The following AGBL4 variants were observed in gnomAD, a reference collection of about 807,000 sequenced individuals.
AGBL4 encodes the protein AGBL carboxypeptidase 4.
A neutral mutation model predicts 66.4 loss-of-function variants in AGBL4; 58 were observed. The ratio of observed to expected loss-of-function variants is 0.87; its 90% confidence interval spans 0.71 to 1.09. AGBL4 has a LOEUF of 1.09. Among genes scored for constraint, AGBL4 ranks in the 50% least tolerant of loss-of-function variants. The probability of loss-of-function intolerance (pLI) is 0.00; values close to 1 mark genes in which losing one functional copy is unlikely to be tolerated. For missense variants in AGBL4, 579 were observed against 631.0 expected (o/e 0.92, Z 0.88); for synonymous variants, 234 against 222.9 (o/e 1.05, Z -0.44).
intron 6 of AGBL4, among the ~76,000 whole-genome samples, chr1:48,830,701 T>C (rs1227730761): frequency 6.6e-6 from 1 of 152,256 alleles, no homozygotes; most frequent in Non-Finnish European, 1.5e-5. Flanking sequence ...ATCTGCTGTA[T>C]GCCAGTCACT....
intron 1 of AGBL4, among the ~76,000 whole-genome samples, chr1:49,901,571 T>C (rs934020769): frequency 6.6e-6 from 1 of 152,118 alleles, no homozygotes; most frequent in African/African-American, 2.4e-5. Flanking sequence ...CATTCCATGC[T>C]CATGGAAAGG....
At chr1:49,388,197 A>G (rs972323688) in intron 3 of AGBL4, among the ~76,000 whole-genome samples, 1 of 152,156 alleles carries the variant, frequency 6.6e-6, no homozygotes, top group Non-Finnish European at 1.5e-5. Flanking sequence ...ACATATTTGT[A>G]TAGTGCAGGA....
intron 3 of AGBL4, among the ~76,000 whole-genome samples, chr1:49,347,949 C>T (rs1355850952): frequency 1.3e-5 from 2 of 152,122 alleles, no homozygotes; most frequent in Non-Finnish European, 2.9e-5. Flanking sequence ...ATCCGGGAAC[C>T]CTCTCTTGGG....
chr1:48,619,370 C>A (rs1368382925), intron 9 of AGBL4, among the ~76,000 whole-genome samples: 1 of 152,084 alleles, frequency 6.6e-6, no homozygotes, highest in East Asian at 1.9e-4. Flanking sequence ...GGAGAGATTA[C>A]GGTTAGGGGA....
intron 5 of AGBL4, among the ~76,000 whole-genome samples, chr1:48,981,969 A>G (rs2148966088): frequency 6.6e-6 from 1 of 152,272 alleles, no homozygotes; most frequent in African/African-American, 2.4e-5. Context: ...GCCAAGGAGA[A>G]CTCTGGAGAA....
chr1:49,913,682 C>T (rs1378365176), intron 1 of AGBL4, among the ~76,000 whole-genome samples: 1 of 152,232 alleles, frequency 6.6e-6, no homozygotes, highest in African/African-American at 2.4e-5. Context: ...CAGGTTGCTG[C>T]CTGGGCAACT....
intron 11 of AGBL4, 128 bp downstream of exon 11, chr1:48,586,876 A>C: frequency 8.2e-7 from 1 of 1,222,972 alleles, no homozygotes; most frequent in South Asian, 1.4e-5. Context: ...CAGAAGAAGA[A>C]GCACCTCCAT....
intron 1 of AGBL4, among the ~76,000 whole-genome samples, chr1:50,011,330 A>G (rs567509775): frequency 2.6e-5 from 4 of 152,328 alleles, no homozygotes; most frequent in South Asian, 4.1e-4. Flanking sequence ...CAAAACTACA[A>G]TGATATATCA....
intron 3 of AGBL4, among the ~76,000 whole-genome samples, chr1:49,418,372 G>A (rs1246790345): frequency 6.6e-6 from 1 of 152,272 alleles, no homozygotes; most frequent in Non-Finnish European, 1.5e-5. Context: ...ACTGTGACAA[G>A]AGCTATGGTT....
chr1:48,708,733 C>T (rs320050), intron 6 of AGBL4, among the ~76,000 whole-genome samples: 129,469 of 152,216 alleles, frequency 0.85, 57,148 homozygotes, highest in East Asian at 0.97. Flanking sequence ...CTCCAAAATA[C>T]GATAGCCTCT....
At chr1:49,096,805 A>G (rs1383275194) in intron 4 of AGBL4, among the ~76,000 whole-genome samples, 1 of 151,990 alleles carries the variant, frequency 6.6e-6, no homozygotes, top group Non-Finnish European at 1.5e-5. Flanking sequence ...AAACCTGCAC[A>G]TTATGCACAT....
At chr1:48,592,344 A>G (rs533388507) in intron 9 of AGBL4, among the ~76,000 whole-genome samples, 1 of 152,372 alleles carries the variant, frequency 6.6e-6, no homozygotes, top group Admixed American at 6.5e-5. Flanking sequence ...ATGCTTTTAA[A>G]TGAAGTTAAA....
chr1:49,057,941 T>C (rs1178051983), intron 4 of AGBL4, among the ~76,000 whole-genome samples: 1 of 152,146 alleles, frequency 6.6e-6, no homozygotes, highest in East Asian at 1.9e-4. Flanking sequence ...GAAGGCTGAC[T>C]GTCTGTGCCC....
intron 6 of AGBL4, chr1:48,727,818 C>A: frequency 1.4e-6 from 2 of 1,453,248 alleles, no homozygotes; most frequent in South Asian, 1.3e-5. Context: ...CTGATTTGGA[C>A]GGCACCATCG....
At chr1:49,310,655 G>A (rs1025153680) in intron 3 of AGBL4, among the ~76,000 whole-genome samples, 5 of 151,950 alleles carry the variant, frequency 3.3e-5, no homozygotes, top group African/African-American at 1.2e-4. Context: ...TGGTCCTGTG[G>A]CATTCCTTTA....
At chr1:48,961,636 G>A (rs1013773581) in intron 5 of AGBL4, among the ~76,000 whole-genome samples, 7 of 152,188 alleles carry the variant, frequency 4.6e-5, no homozygotes, top group Non-Finnish European at 8.8e-5. Context: ...ACTGTGCAGT[G>A]CTGCCATCAG....
chr1:49,637,119 G>T (rs1379123520), intron 3 of AGBL4, among the ~76,000 whole-genome samples: 1 of 152,048 alleles, frequency 6.6e-6, no homozygotes, highest in Admixed American at 6.6e-5. Flanking sequence ...CTTCAGTTTT[G>T]GGACTGGGAC....
At chr1:49,359,110 G>A (rs1644083485) in intron 3 of AGBL4, among the ~76,000 whole-genome samples, 1 of 152,160 alleles carries the variant, frequency 6.6e-6, no homozygotes, top group African/African-American at 2.4e-5. Flanking sequence ...TGGTCTATCA[G>A]TGTCTACTGC....
intron 1 of AGBL4, among the ~76,000 whole-genome samples, chr1:49,871,232 A>G (rs1646831960): frequency 6.6e-6 from 1 of 151,998 alleles, no homozygotes; most frequent in Non-Finnish European, 1.5e-5. Context: ...GCTATAAAAT[A>G]TTATTTAAAA....
Sources: gnomAD v4.1 joint callset for allele counts (sites outside exome capture counted in the v4.1 genomes callset) on GRCh38, gnomAD v4.1.1 for gene constraint, MANE v1.5 for transcripts, NCBI Gene and HGNC (gene_info 2026-07-23, HGNC 2026-07-21) for gene names.